The following CEP126 variants were observed in gnomAD, a reference collection of about 807,000 sequenced individuals.
CEP126 encodes centrosomal protein of 126 kDa.
Under a neutral mutation model 107.8 loss-of-function variants are expected in CEP126, and 74 were observed. That is an observed-to-expected ratio of 0.69 (90% confidence interval 0.57 to 0.83). The LOEUF is 0.83. Ranked by LOEUF, CEP126 falls within the 40% of genes least tolerant of loss-of-function variation. The probability of loss-of-function intolerance (pLI) is 0.00; values close to 1 mark genes in which losing one functional copy is unlikely to be tolerated. For missense variants in CEP126, 1,237 were observed against 1,281.9 expected, an observed-to-expected ratio of 0.96 and a Z score of 0.53; for synonymous variants, 449 against 446.0, an observed-to-expected ratio of 1.01 and a Z score of -0.08.
intron 5 of CEP126, 26 bp from the exon 6 acceptor site, chr11:101,961,714 AT>A: frequency 7.6e-7 from 1 of 1,311,320 alleles, no homozygotes; most frequent in Non-Finnish European, 1.1e-6. Context: ...TTTATAAGCT[AT>A]AAAACAATGT....
intron 1 of CEP126, among the ~76,000 whole-genome samples, chr11:101,918,016 G>C (rs961841782): frequency 6.6e-6 from 1 of 152,086 alleles, no homozygotes. Context: ...TCGATAGACT[G>C]TCTTACCACT....
At chr11:101,987,993 G>A (rs192993499) in intron 9 of CEP126, among the ~76,000 whole-genome samples, 33 of 150,638 alleles carry the variant, frequency 2.2e-4, no homozygotes, top group East Asian at 4.0e-4. Context: ...AACTTAATCC[G>A]TAATGAAAAA....
chr11:101,958,047 C>T (rs972056023), intron 4 of CEP126, 121 bp from the exon 5 acceptor site: 4 of 794,594 alleles, frequency 5.0e-6, no homozygotes, highest in Admixed American at 2.3e-5. Flanking sequence ...TCTCCAATAT[C>T]CTTATATGTG....
intron 6 of CEP126, among the ~76,000 whole-genome samples, chr11:101,972,891 A>G (rs1396584827): frequency 5.3e-5 from 8 of 152,278 alleles, no homozygotes; most frequent in Non-Finnish European, 8.8e-5. Flanking sequence ...CATTTTGTCC[A>G]CTTATGAAAC....
Position 101,963,155 on chromosome 11 carries a change from A to G in CEP126, c.2120A>G (p.Asp707Gly), listed in dbSNP as rs988346069. 4.3e-6 allele frequency: 7 copies of G among 1,614,122 alleles called. No individual in the cohort carries two copies. The highest frequency in any genetic ancestry group is 5.9e-6 in the Non-Finnish European group (7 of 1,180,004). Residue 707 changes from aspartate (D) to glycine (G), a missense_variant, in exon 6 of 11, where the codon GAC becomes GGC. Around this residue, in one of 3 missense-constraint regions of CEP126, gnomAD observed 1,134 missense variants for 1,150.5 expected, o/e 0.99. Coordinates refer to ENST00000263468, the MANE Select transcript of CEP126 (RefSeq NM_020802.4). Reference sequence around the variant, plus strand: ...ACGACTTTAGGAGGATCTGGAGCAGACCATATGCCTTTGAACTGTTTTATA... The same window carrying G: ...ACGACTTTAGGAGGATCTGGAGCAGGCCATATGCCTTTGAACTGTTTTATA... ...NVTTLGGSGA[D>G]HMPLNCFIPS...
intron 8 of CEP126, 24 bp from the exon 9 acceptor site, chr11:101,986,808 A>G (rs748178262): frequency 2.4e-5 from 38 of 1,591,212 alleles, no homozygotes; most frequent in Non-Finnish European, 3.0e-5. Context: ...GGGTTCAAAG[A>G]ATAACTGATG....
chr11:101,949,478 A>G (rs1940781815), intron 4 of CEP126, among the ~76,000 whole-genome samples: 1 of 152,192 alleles, frequency 6.6e-6, no homozygotes, highest in Non-Finnish European at 1.5e-5. Flanking sequence ...GGTAATGGAT[A>G]TGGTCAACTG....
rs1591285295 is a variant in CEP126, at chr11:101,963,052, A to G, written c.2017A>G (p.Ile673Val). ...CATTCAAAGTGGTGCTGGAAGCAACATAATTAGTGTTTCTACTTGTGCTGT... is the reference window on the plus strand; with the variant it reads ...CATTCAAAGTGGTGCTGGAAGCAACGTAATTAGTGTTTCTACTTGTGCTGT... Reference protein sequence around the residue: ...FHIQSGAGSNIISVSTCAVNS... With the variant: ...FHIQSGAGSNVISVSTCAVNS... The change falls in exon 6 of 11, where the codon ATA (isoleucine) becomes GTA (valine). Residue 673 changes from isoleucine to valine, a missense_variant. This residue lies in a region of CEP126 where 1,134 missense variants were observed against 1,150.5 expected (regional missense o/e 0.99). Transcript: ENST00000263468. The G allele has an allele frequency of 1.2e-6, 2 of 1,614,160 alleles. No homozygotes were observed. Among genetic ancestry groups the G allele is most frequent in the African/African-American group, 2.7e-5 (2 of 75,070 alleles).
At chr11:101,996,749 T>A (rs1465945208) in intron 10 of CEP126, among the ~76,000 whole-genome samples, 2 of 152,102 alleles carry the variant, frequency 1.3e-5, no homozygotes, top group Non-Finnish European at 2.9e-5. Flanking sequence ...ATGAAACAGA[T>A]TCAGGATGAA....
intron 2 of CEP126, among the ~76,000 whole-genome samples, chr11:101,937,016 GTACA>G (rs1015080949): frequency 2.0e-5 from 3 of 152,086 alleles, no homozygotes; most frequent in Admixed American, 1.3e-4. Flanking sequence ...TGGAATATTT[GTACA>G]TACATAATGA....
rs1473298247 is a variant in CEP126 at position 101,987,038 on chromosome 11, C to T, written c.3241C>T (p.His1081Tyr). 3 of 1,581,404 alleles carry T rather than the reference C, an allele frequency of 1.9e-6. No individual in the cohort carries two copies. Among genetic ancestry groups the T allele is most frequent in the Non-Finnish European group, 2.6e-6 (3 of 1,151,562 alleles). Residue 1081 changes from histidine to tyrosine, a missense_variant, in exon 9 of 11, where the codon CAT (histidine) becomes TAT (tyrosine). Around this residue, in one of 3 missense-constraint regions of CEP126, gnomAD observed 99 missense variants for 114.4 expected, o/e 0.87. Coordinates refer to ENST00000263468, the MANE Select transcript of CEP126 (RefSeq NM_020802.4). ...ESLNDLSERL[H>Y]YIQESICKNP... ...CCTTAATGATCTCAGTGAAAGACTA[C>T]ATTGTAAGTATGGAAGAACACCTTT...
At chr11:101,982,649 C>T (rs1666955571) in intron 8 of CEP126, among the ~76,000 whole-genome samples, 1 of 152,108 alleles carries the variant, frequency 6.6e-6, no homozygotes, top group Admixed American at 6.6e-5. Flanking sequence ...TTACTACTTG[C>T]ATGTTATTCT....
chr11:101,945,820 A>C (rs141973353), intron 3 of CEP126, among the ~76,000 whole-genome samples: 11 of 152,276 alleles, frequency 7.2e-5, no homozygotes, highest in Non-Finnish European at 1.3e-4. Context: ...TCTGCTTGGC[A>C]ACTTTATTTG....
rs1184933685 is a variant in CEP126, at chr11:101,915,334, C to A, written c.50C>A (p.Thr17Asn). 4 of 1,614,010 alleles carry A rather than the reference C, an allele frequency of 2.5e-6. No homozygotes were observed. Among genetic ancestry groups the A allele is most frequent in the Non-Finnish European group, 3.4e-6 (4 of 1,180,012 alleles). ...GTRSAVGELG[T>N]ESSDNLDRAP... ...CGGAGCGCGGTCGGGGAACTGGGCA[C>A]TGAATCATCGGACAACCTCGACAGA... The change falls in exon 1 of 11, where the codon ACT becomes AAT. Residue 17 changes from threonine (T) to asparagine (N), a missense_variant. Thr to Asn is a moderately conservative substitution (Grantham distance 65). This residue lies in a region of CEP126 where 1,134 missense variants were observed against 1,150.5 expected (regional missense o/e 0.99). Transcript: ENST00000263468.
At chr11:101,947,441 G>T (rs549818993) in intron 3 of CEP126, among the ~76,000 whole-genome samples, 1 of 152,134 alleles carries the variant, frequency 6.6e-6, no homozygotes, top group Non-Finnish European at 1.5e-5. Flanking sequence ...AGTGGAAGGC[G>T]TTGAGAAAGT....
At chr11:101,981,795 A>G (rs1941258195) in intron 7 of CEP126, 94 bp from the exon 8 acceptor site, 3 of 668,950 alleles carry the variant, frequency 4.5e-6, no homozygotes, top group Non-Finnish European at 7.7e-6. Context: ...AGCTAAAAAT[A>G]TATACAGCAA....
chr11:101,961,466 T>A (rs185412871), intron 5 of CEP126, among the ~76,000 whole-genome samples: 271 of 152,102 alleles, frequency 1.8e-3, no homozygotes, highest in African/African-American at 6.2e-3. Context: ...ATAACAAAAA[T>A]TTTTTTTAAG....
chr11:101,938,630 T>C (rs2137091692), intron 2 of CEP126, among the ~76,000 whole-genome samples: 1 of 152,218 alleles, frequency 6.6e-6, no homozygotes, highest in South Asian at 2.1e-4. Flanking sequence ...GGAGGATTTC[T>C]TGAGGCCAGG....
Position 101,962,332 on chromosome 11 carries a change from A to G in CEP126, c.1297A>G (p.Thr433Ala). The G allele has an allele frequency of 6.2e-7, 1 of 1,613,354 alleles. No individual in the cohort carries two copies. The part of the protein sequence containing the change: ...TSDSLTQEVA[T>A]FPDQEKYSEL... ...AGATTCTCTAACCCAGGAAGTGGCT[A>G]CATTTCCAGACCAAGAGAAATATTC... The change falls in exon 6 of 11, where the codon ACA becomes GCA. Residue 433 changes from threonine (T) to alanine (A), a missense_variant. Physicochemically the swap from Thr to Ala is moderately conservative, Grantham distance 58. Around this residue, in one of 3 missense-constraint regions of CEP126, gnomAD observed 1,134 missense variants for 1,150.5 expected, o/e 0.99. Coordinates refer to ENST00000263468, the MANE Select transcript of CEP126 (RefSeq NM_020802.4).
Sources: allele counts gnomAD v4.1 joint callset (sites outside exome capture counted in the v4.1 genomes callset), GRCh38; gene constraint gnomAD v4.1.1; regional missense constraint gnomAD v4.1.1; transcripts MANE v1.5; gene names NCBI Gene and HGNC (gene_info 2026-07-23, HGNC 2026-07-21).